Variants in CNTN4 observed in about 807,000 individuals in gnomAD.
The protein encoded by CNTN4 is contactin 4, also known as contactin-4.
A neutral mutation model predicts 122.5 loss-of-function variants in CNTN4; 77 were observed. The observed-to-expected ratio is 0.63, with a 90% CI of 0.52 to 0.76. CNTN4 has a LOEUF of 0.76. Ranked by LOEUF, CNTN4 falls within the 30% of genes least tolerant of loss-of-function variation. The probability of loss-of-function intolerance (pLI) is 0.00; values close to 1 mark genes in which losing one functional copy is unlikely to be tolerated. For synonymous variants in CNTN4, 512 were observed against 447.0 expected (o/e 1.15, Z -1.83); for missense variants, 1,256 against 1,259.1 (o/e 1.00, Z 0.04).
chr3:3,003,490 A>G (rs1438324806), intron 14 of CNTN4, among the ~76,000 whole-genome samples: 1 of 152,130 alleles, frequency 6.6e-6, no homozygotes, highest in African/African-American at 2.4e-5. Flanking sequence ...GAAGCCAGAC[A>G]CAAAAGGCCA....
In CNTN4 at chr3:2,601,127, A is replaced by T. The variant is rs574428811; in HGVS notation, c.55+29569A>T. Among the ~76,000 whole-genome samples, 6 of 152,254 alleles carry T rather than the reference A, an allele frequency of 3.9e-5. 1 individual carries two copies. The South Asian group carries it at 1.2e-3, about 32-fold the overall frequency. Reference sequence around the variant, plus strand: ...CCCTTTGTCAGATGAGTAGATTGCAAAAATTTTCTCCCATTCTGTAGGTTG... The same window carrying T: ...CCCTTTGTCAGATGAGTAGATTGCATAAATTTTCTCCCATTCTGTAGGTTG... On this transcript the variant is annotated intron_variant, in intron 4 of 24. Coordinates refer to ENST00000418658, the MANE Select transcript of CNTN4 (RefSeq NM_175607.3).
intron 7 of CNTN4, among the ~76,000 whole-genome samples, chr3:2,819,868 G>A (rs1271341857): frequency 3.3e-5 from 5 of 152,098 alleles, no homozygotes; most frequent in South Asian, 2.1e-4. Flanking sequence ...TAATTAAAAC[G>A]ACTCATACTT....
At chr3:2,141,825 G>A (rs1005485967) in intron 2 of CNTN4, among the ~76,000 whole-genome samples, 2 of 151,982 alleles carry the variant, frequency 1.3e-5, no homozygotes, top group Admixed American at 1.3e-4. Flanking sequence ...TTTAATTGGC[G>A]TTCTTATGAT....
intron 3 of CNTN4, among the ~76,000 whole-genome samples, chr3:2,423,388 C>T (rs188906609): frequency 2.4e-4 from 37 of 151,938 alleles, no homozygotes; most frequent in African/African-American, 8.5e-4. Context: ...CAGTTTAGTG[C>T]GTTTAATGAA....
At chr3:2,410,636 G>T (rs1368066411) in intron 3 of CNTN4, among the ~76,000 whole-genome samples, 1 of 152,180 alleles carries the variant, frequency 6.6e-6, no homozygotes, top group Non-Finnish European at 1.5e-5. Flanking sequence ...GCGGTAGAAA[G>T]CCACAGGTAG....
intron 2 of CNTN4, among the ~76,000 whole-genome samples, chr3:2,324,595 C>T (rs1262217540): frequency 2.0e-5 from 3 of 152,062 alleles, no homozygotes; most frequent in Admixed American, 2.0e-4. Context: ...CTCTTTGTGT[C>T]CCAGATCTGT....
intron 3 of CNTN4, among the ~76,000 whole-genome samples, chr3:2,467,802 A>C (rs148628559): frequency 6.6e-6 from 1 of 152,198 alleles, no homozygotes; most frequent in Non-Finnish European, 1.5e-5. Context: ...TTGGCCTTGC[A>C]GTGTCCTGGT....
In CNTN4 at chr3:3,026,103, T is replaced by G; in HGVS notation, c.1488T>G (p.Asp496Glu). 6.2e-7 allele frequency: 1 copy of G among 1,613,050 alleles called. No homozygotes were observed. The highest frequency in any genetic ancestry group is 8.5e-7 in the Non-Finnish European group (1 of 1,179,228). ...ASSTGNLVVKDPTRVMVPPSS... is the reference protein window; with the variant it reads ...ASSTGNLVVKEPTRVMVPPSS... ...GTTTGTTTTGTTTTAACTCTCCAGA[T>G]CCAACAAGGGTAATGGTACCCCCTT... Residue 496 changes from aspartate (D) to glutamate (E), a missense_variant and splice_region_variant, in exon 15 of 25, where the codon GAT becomes GAG. Transcript: ENST00000418658.
Position 2,485,007 on chromosome 3 carries a change from G to A in CNTN4, c.-88-86409G>A, listed in dbSNP as rs528330134. Among the ~76,000 whole-genome samples, 1,258 of 152,332 alleles carry A rather than the reference G, an allele frequency of 8.3e-3. 18 individuals carry two copies. Among genetic ancestry groups the A allele is most frequent in the African/African-American group, 0.029 (1,191 of 41,574 alleles). ...CTCGGCGGCCCGCACTCAGAGCAGC[G>A]GGCTGGTGCCACTGGCCCCGGGCAG... is the stretch of plus-strand genomic sequence containing the variant. On this transcript the variant is annotated intron_variant, in intron 3 of 24. Transcript: ENST00000418658.
At chr3:2,553,274 G>A (rs539211639) in intron 3 of CNTN4, among the ~76,000 whole-genome samples, 1 of 152,144 alleles carries the variant, frequency 6.6e-6, no homozygotes, top group South Asian at 2.1e-4. Context: ...GACTGGGTTT[G>A]TATGTTCCAA....
At chr3:2,430,661 C>T (rs11711499) in intron 3 of CNTN4, among the ~76,000 whole-genome samples, 33,223 of 150,464 alleles carry the variant, frequency 0.22, 4,743 homozygotes, top group Non-Finnish European at 0.33. Flanking sequence ...TAGTTTACCC[C>T]AGCTAGAGGT....
At chr3:3,044,678 G>A (rs755819008) in intron 23 of CNTN4, among the ~76,000 whole-genome samples, 27 of 152,324 alleles carry the variant, frequency 1.8e-4, no homozygotes, top group South Asian at 4.1e-4. Context: ...AGCTCCCAGC[G>A]TGAGCAACGC....
At position 2,869,173 on chromosome 3, in the gene CNTN4, G is replaced by A. The variant is rs144858960; in HGVS notation, c.652+2224G>A. Among the ~76,000 whole-genome samples, 18 of 152,286 alleles carry A rather than the reference G, an allele frequency of 1.2e-4. No homozygotes were observed. The East Asian group carries it at 3.1e-3, about 26-fold the overall frequency. ...TTTACTTCGAGTGCAGCGAGAAGCC[G>A]TTAGCGAATTGTATGCAAAAGAGTG... On this transcript the variant is annotated intron_variant, in intron 8 of 24. Transcript: ENST00000418658.
chr3:2,881,535 G>A (rs1360073104), intron 8 of CNTN4, among the ~76,000 whole-genome samples: 1 of 150,804 alleles, frequency 6.6e-6, no homozygotes, highest in Non-Finnish European at 1.5e-5. Context: ...AAAAAAACAG[G>A]CAAGGGCCCA....
At chr3:2,101,635 G>A (rs1490765897) in intron 2 of CNTN4, among the ~76,000 whole-genome samples, 1 of 152,032 alleles carries the variant, frequency 6.6e-6, no homozygotes, top group Non-Finnish European at 1.5e-5. Context: ...AGGATTTACT[G>A]CCTAGATTTA....
intron 4 of CNTN4, among the ~76,000 whole-genome samples, chr3:2,612,993 C>T (rs1257517884): frequency 6.6e-6 from 1 of 152,104 alleles, no homozygotes; most frequent in Non-Finnish European, 1.5e-5. Flanking sequence ...TGCATGTGAG[C>T]ATTACGTTTA....
chr3:2,416,075 G>C (rs1275796076), intron 3 of CNTN4, among the ~76,000 whole-genome samples: 1 of 152,062 alleles, frequency 6.6e-6, no homozygotes, highest in Non-Finnish European at 1.5e-5. Flanking sequence ...TAAGATACTA[G>C]TGTGCCATGT....
Position 2,701,484 on chromosome 3 carries a change from G to A in CNTN4, c.56-34731G>A, listed in dbSNP as rs187298881. 1.2e-3 allele frequency among the ~76,000 whole-genome samples: 190 copies of A among 152,312 alleles called. 2 individuals carry two copies. Among genetic ancestry groups the A allele is most frequent in the Admixed American group, 4.6e-3 (71 of 15,296 alleles). On this transcript the variant is annotated intron_variant, in intron 4 of 24. Coordinates refer to ENST00000418658, the MANE Select transcript of CNTN4 (RefSeq NM_175607.3). ...CGTGGGGTATCATAGATGAAAGGGC[G>A]TTTGAGCTGCAATTCAGAAGGTTCT...
intron 4 of CNTN4, among the ~76,000 whole-genome samples, chr3:2,635,797 A>G (rs574380868): frequency 4.1e-4 from 62 of 152,304 alleles, no homozygotes; most frequent in African/African-American, 1.4e-3. Flanking sequence ...AACTTGAGAA[A>G]GTTACGTTTG....
Sources: gnomAD v4.1 joint callset for allele counts (sites outside exome capture counted in the v4.1 genomes callset) on GRCh38, gnomAD v4.1.1 for gene constraint, MANE v1.5 for transcripts, NCBI Gene and HGNC (gene_info 2026-07-23, HGNC 2026-07-21) for gene names.